SLC9A9: variants seen among roughly 807,000 people sequenced by gnomAD.
SLC9A9 encodes sodium/hydrogen exchanger 9.
A neutral mutation model predicts 77.8 loss-of-function variants in SLC9A9; 62 were observed. The observed-to-expected ratio is 0.80, with a 90% CI of 0.65 to 0.98. The LOEUF (loss-of-function observed/expected upper bound fraction) is 0.98, where lower values mean the gene tolerates loss of function less well. Ranked by LOEUF, SLC9A9 falls within the 50% of genes least tolerant of loss-of-function variation. SLC9A9 has a pLI of 0.00. For missense variants in SLC9A9, 775 were observed against 774.9 expected (o/e 1.00, Z 0.00); for synonymous variants, 320 against 283.5 (o/e 1.13, Z -1.29).
Position 143,336,975 on chromosome 3 carries a change from G to C in SLC9A9, c.1604+26509C>G, listed in dbSNP as rs141747407. Among the ~76,000 whole-genome samples the C allele has an allele frequency of 7.4e-4, 113 of 152,140 alleles. 1 individual carries two copies. The highest frequency in any genetic ancestry group is 2.5e-3 in the African/African-American group (104 of 41,466). On this transcript the variant is annotated intron_variant, in intron 14 of 15. Transcript: ENST00000316549. ...CAGTTATCTGGAAAATTGACACAAG[G>C]AGCACATTGTTATGGCAGGGACCAT...
At chr3:143,819,611 G>A (rs1340396951) in intron 2 of SLC9A9, among the ~76,000 whole-genome samples, 1 of 151,944 alleles carries the variant, frequency 6.6e-6, no homozygotes, top group Non-Finnish European at 1.5e-5. Flanking sequence ...AACAGGAGAA[G>A]CCTTTGTAAA....
At chr3:143,641,822 C>T (rs1290372010) in intron 6 of SLC9A9, among the ~76,000 whole-genome samples, 1 of 152,218 alleles carries the variant, frequency 6.6e-6, no homozygotes, top group African/African-American at 2.4e-5. Flanking sequence ...TCTCTATACA[C>T]ATTATTTCTC....
chr3:143,605,168 G>A lies in SLC9A9; in HGVS notation c.756-26445C>T, dbSNP rs372154994. The stretch of plus-strand genomic sequence containing the variant: ...ATACTTCCTTTGGAGCGCATCAAAA[G>A]AGCAGGGCCAACATCCTGATCTCAG... On this transcript the variant is annotated intron_variant, in intron 6 of 15. Transcript: ENST00000316549. Among the ~76,000 whole-genome samples, 299 of 152,270 alleles carry A rather than the reference G, an allele frequency of 2.0e-3. 1 individual carries two copies. The highest frequency in any genetic ancestry group is 3.5e-3 in the Admixed American group (53 of 15,298).
chr3:143,551,971 C>T (rs1445033251), intron 9 of SLC9A9, among the ~76,000 whole-genome samples: 2 of 152,178 alleles, frequency 1.3e-5, no homozygotes, highest in Non-Finnish European at 2.9e-5. Context: ...GCATCAAAAG[C>T]ACCCAATTAA....
intron 11 of SLC9A9, among the ~76,000 whole-genome samples, chr3:143,483,193 G>T (rs1463529453): frequency 1.3e-5 from 2 of 152,158 alleles, no homozygotes; most frequent in South Asian, 2.1e-4. Context: ...GTGTGTAGAC[G>T]ATTAGTCTAC....
In SLC9A9 at chr3:143,374,409, C is replaced by T. The variant is rs369316070; in HGVS notation, c.1524+7651G>A. On this transcript the variant is annotated intron_variant, in intron 13 of 15. Transcript: ENST00000316549. ...CACTGTACTCCAGCCTGGGAGACAG[C>T]GAGACTCTGTCTCAAAAAAAAAAAA... Among the ~76,000 whole-genome samples the T allele has an allele frequency of 1.2e-4, 14 of 112,582 alleles. No individual in the cohort carries two copies. The East Asian group carries it at 3.8e-3, about 30-fold the overall frequency. The allele number at this position is 112,582 out of a possible 152,430, so 73.9% of individuals were successfully genotyped here.
intron 14 of SLC9A9, among the ~76,000 whole-genome samples, chr3:143,350,755 G>C (rs1501624): frequency 0.19 from 29,544 of 152,142 alleles, 3,073 homozygotes; most frequent in Middle Eastern, 0.27. Context: ...CCTGGAACTA[G>C]AGTTCCATAG....
At chr3:143,508,364 AT>A in intron 9 of SLC9A9, among the ~76,000 whole-genome samples, 1 of 152,248 alleles carries the variant, frequency 6.6e-6, no homozygotes, top group Non-Finnish European at 1.5e-5. Flanking sequence ...GTGATGTTTC[AT>A]GATCGGCCAT....
chr3:143,794,601 GA>G (rs1043999004), intron 4 of SLC9A9, among the ~76,000 whole-genome samples: 8 of 152,114 alleles, frequency 5.3e-5, no homozygotes, highest in Non-Finnish European at 1.0e-4. Flanking sequence ...CTTTCCTTTA[GA>G]AAGAAAACTC....
intron 12 of SLC9A9, among the ~76,000 whole-genome samples, chr3:143,397,048 C>T (rs2033746623): frequency 6.6e-6 from 1 of 152,186 alleles, no homozygotes; most frequent in Non-Finnish European, 1.5e-5. Context: ...CACAACTTCC[C>T]TTGAGTTTGA....
intron 8 of SLC9A9, among the ~76,000 whole-genome samples, chr3:143,563,245 C>T (rs2037116791): frequency 6.6e-6 from 1 of 152,106 alleles, no homozygotes; most frequent in African/African-American, 2.4e-5. Context: ...TAAATTATTT[C>T]CAGAGAGATC....
chr3:143,468,749 A>C (rs555799582), intron 11 of SLC9A9, among the ~76,000 whole-genome samples: 79 of 152,244 alleles, frequency 5.2e-4, no homozygotes, highest in Admixed American at 1.2e-3. Context: ...ATAGTTTTAC[A>C]AAATCTATAA....
At chr3:143,404,486 G>T (rs1182502477) in intron 12 of SLC9A9, among the ~76,000 whole-genome samples, 1 of 152,062 alleles carries the variant, frequency 6.6e-6, no homozygotes, top group African/African-American at 2.4e-5. Flanking sequence ...GCTTTTGTTA[G>T]TTCTTTAAAC....
intron 4 of SLC9A9, among the ~76,000 whole-genome samples, chr3:143,793,468 C>G (rs1375655421): frequency 6.6e-6 from 1 of 152,114 alleles, no homozygotes; most frequent in Non-Finnish European, 1.5e-5. Flanking sequence ...AATTTGGATC[C>G]ATTATAAATT....
chr3:143,484,124 A>G (rs1312493201), intron 11 of SLC9A9, among the ~76,000 whole-genome samples: 2 of 152,216 alleles, frequency 1.3e-5, no homozygotes, highest in Non-Finnish European at 2.9e-5. Flanking sequence ...AAACTTATTC[A>G]TGAAGCAGGC....
intron 2 of SLC9A9, among the ~76,000 whole-genome samples, chr3:143,817,198 G>A (rs1242972427): frequency 2.0e-5 from 3 of 148,750 alleles, no homozygotes; most frequent in African/African-American, 2.5e-5. Flanking sequence ...CCGGACTGCG[G>A]ACTGCAGTGG....
At chr3:143,639,556 A>G (rs1323130945) in intron 6 of SLC9A9, among the ~76,000 whole-genome samples, 1 of 152,252 alleles carries the variant, frequency 6.6e-6, no homozygotes, top group Non-Finnish European at 1.5e-5. Flanking sequence ...ACAGAATCAA[A>G]CACTGCTAGT....
chr3:143,669,710 G>T (rs1560023109), intron 5 of SLC9A9, among the ~76,000 whole-genome samples: 1 of 152,316 alleles, frequency 6.6e-6, no homozygotes, highest in East Asian at 1.9e-4. Flanking sequence ...ACCAACCTGT[G>T]TTCTGATCAG....
intron 1 of SLC9A9, among the ~76,000 whole-genome samples, chr3:143,844,715 TTC>T (rs755979366): frequency 2.0e-4 from 1 of 4,972 alleles, no homozygotes; most frequent in Non-Finnish European, 3.5e-4. Flanking sequence ...TTCTTTCTCT[TTC>T]TTTCTTTCTT....
Sources: allele counts gnomAD v4.1 joint callset (sites outside exome capture counted in the v4.1 genomes callset), GRCh38; gene constraint gnomAD v4.1.1; transcripts MANE v1.5; gene names NCBI Gene and HGNC (gene_info 2026-07-23, HGNC 2026-07-21).